Variants in FSTL5 observed in about 807,000 individuals in gnomAD.
FSTL5 encodes the protein follistatin like 5, also known as follistatin-related protein 5.
A neutral mutation model predicts 89.1 loss-of-function variants in FSTL5; 62 were observed. The ratio of observed to expected loss-of-function variants is 0.70; its 90% CI spans 0.57 to 0.86. The LOEUF (loss-of-function observed/expected upper bound fraction) is 0.86, where lower values mean the gene tolerates loss of function less well. Ranked by LOEUF, FSTL5 falls within the 40% of genes least tolerant of loss-of-function variation. The probability of loss-of-function intolerance (pLI) is 0.00; values close to 1 mark genes in which losing one functional copy is unlikely to be tolerated. For missense variants in FSTL5, 1,057 were observed against 1,001.6 expected, an observed-to-expected ratio of 1.06 and a Z score of -0.75; for synonymous variants, 383 against 346.2, an observed-to-expected ratio of 1.11 and a Z score of -1.18.
chr4:161,728,203 T>C (rs550094407), intron 6 of FSTL5, among the ~76,000 whole-genome samples: 17 of 152,282 alleles, frequency 1.1e-4, no homozygotes, highest in South Asian at 4.1e-4. Context: ...ATAAAATATC[T>C]CTGGGTTAGC....
chr4:161,968,893 G>T (rs1215026889), intron 3 of FSTL5, among the ~76,000 whole-genome samples: 3 of 150,724 alleles, frequency 2.0e-5, no homozygotes, highest in Non-Finnish European at 4.4e-5. Context: ...AAGAAGCAAA[G>T]ATGATTATTA....
chr4:161,539,365 A>G (rs1731741965), intron 9 of FSTL5, among the ~76,000 whole-genome samples: 4 of 152,116 alleles, frequency 2.6e-5, no homozygotes, highest in African/African-American at 4.8e-5. Context: ...CTTGATTGCC[A>G]TCGCTAGGAG....
At chr4:161,434,897 G>A (rs1265703682) in intron 15 of FSTL5, among the ~76,000 whole-genome samples, 3 of 151,948 alleles carry the variant, frequency 2.0e-5, no homozygotes, top group East Asian at 3.9e-4. Context: ...AGTTAAAATG[G>A]CTTTTATTCA....
chr4:161,735,031 G>GC (rs1350263439), intron 6 of FSTL5, among the ~76,000 whole-genome samples: 2 of 152,074 alleles, frequency 1.3e-5, no homozygotes, highest in African/African-American at 4.8e-5. Context: ...CCCAAGACTG[G>GC]CCCCCCACTT....
At chr4:161,437,292 C>A (rs538570089) in intron 15 of FSTL5, among the ~76,000 whole-genome samples, 11 of 151,930 alleles carry the variant, frequency 7.2e-5, no homozygotes, top group African/African-American at 1.7e-4. Flanking sequence ...ACGGGCAGGG[C>A]GCAGTGGCTC....
intron 6 of FSTL5, among the ~76,000 whole-genome samples, chr4:161,663,274 C>T (rs1254405432): frequency 2.6e-5 from 4 of 152,148 alleles, no homozygotes; most frequent in Non-Finnish European, 5.9e-5. Context: ...ACCCAAAAGT[C>T]CACAGTCCAA....
chr4:161,553,399 T>C (rs1732279784), intron 8 of FSTL5, among the ~76,000 whole-genome samples: 1 of 151,396 alleles, frequency 6.6e-6, no homozygotes, highest in African/African-American at 2.4e-5. Flanking sequence ...TAAATATATA[T>C]ATTTTATTCA....
At chr4:161,606,473 G>A (rs1001432332) in intron 7 of FSTL5, among the ~76,000 whole-genome samples, 1 of 151,514 alleles carries the variant, frequency 6.6e-6, no homozygotes, top group South Asian at 2.1e-4. Flanking sequence ...CTCGTGATCC[G>A]CCCGCCTCAG....
chr4:161,455,272 A>G (rs1733314218), intron 14 of FSTL5, 144 bp from the exon 15 acceptor site: 1 of 503,442 alleles, frequency 2.0e-6, no homozygotes, highest in Non-Finnish European at 3.2e-6. Flanking sequence ...ATATTATTAC[A>G]CAAATTACAA....
intron 2 of FSTL5, among the ~76,000 whole-genome samples, chr4:162,082,775 T>A (rs1443829118): frequency 6.6e-6 from 1 of 151,500 alleles, no homozygotes; most frequent in Non-Finnish European, 1.5e-5. Flanking sequence ...ATATTAAATT[T>A]AACCCACAGA....
At chr4:161,599,768 C>T (rs1734159098) in intron 7 of FSTL5, among the ~76,000 whole-genome samples, 1 of 151,942 alleles carries the variant, frequency 6.6e-6, no homozygotes, top group African/African-American at 2.4e-5. Flanking sequence ...TTAAGATTTG[C>T]TATAATTTCT....
intron 2 of FSTL5, among the ~76,000 whole-genome samples, chr4:162,056,485 T>TA (rs1560995194): frequency 6.6e-6 from 1 of 151,284 alleles, no homozygotes; most frequent in African/African-American, 2.5e-5. Flanking sequence ...CCTAGCAGCA[T>TA]TGTATGAACA....
chr4:162,021,413 T>C (rs547206628), intron 3 of FSTL5, among the ~76,000 whole-genome samples: 1 of 152,290 alleles, frequency 6.6e-6, no homozygotes, highest in South Asian at 2.1e-4. Context: ...TTGCCTTATA[T>C]GTAAAATTAT....
chr4:162,132,194 C>T (rs531627844), intron 1 of FSTL5, among the ~76,000 whole-genome samples: 105 of 152,268 alleles, frequency 6.9e-4, no homozygotes, highest in African/African-American at 2.4e-3. Context: ...TAGGTGTTCT[C>T]TACTTAAACA....
chr4:161,394,486 A>T (rs1422280047), intron 15 of FSTL5, among the ~76,000 whole-genome samples: 1 of 152,146 alleles, frequency 6.6e-6, no homozygotes, highest in Non-Finnish European at 1.5e-5. Flanking sequence ...CATGTTAGCC[A>T]GGATGGTCTA....
chr4:162,129,588 A>C (rs949310614), intron 1 of FSTL5, among the ~76,000 whole-genome samples: 1 of 152,242 alleles, frequency 6.6e-6, no homozygotes, highest in Non-Finnish European at 1.5e-5. Flanking sequence ...CTTGCTGTGT[A>C]ATGGTGAAAC....
chr4:161,553,401 T>C (rs1560950600), intron 8 of FSTL5, among the ~76,000 whole-genome samples: 1 of 151,370 alleles, frequency 6.6e-6, no homozygotes, highest in Non-Finnish European at 1.5e-5. Context: ...AATATATATA[T>C]TTTATTCAAA....
chr4:161,993,139 A>T (rs1458582605), intron 3 of FSTL5, among the ~76,000 whole-genome samples: 1 of 151,042 alleles, frequency 6.6e-6, no homozygotes, highest in African/African-American at 2.4e-5. Flanking sequence ...AAATATATTT[A>T]TTTGTCAATA....
In FSTL5 at chr4:161,679,563, A is replaced by G. The variant is rs190775104; in HGVS notation, c.728-23069T>C. Among the ~76,000 whole-genome samples, 904 of 151,930 alleles carry G rather than the reference A, an allele frequency of 6.0e-3. 9 individuals are homozygous for G. Among genetic ancestry groups the G allele is most frequent in the South Asian group, 0.045 (219 of 4,822 alleles). On this transcript the variant is annotated intron_variant, in intron 6 of 15. Coordinates refer to ENST00000306100, the MANE Select transcript of FSTL5 (RefSeq NM_020116.5). ...TTGGCTCTTGTATTGGAAAAGGGGG[A>G]AAAATACAGTAGAATACAAGTATAG...
Sources: gnomAD v4.1 joint callset for allele counts (sites outside exome capture counted in the v4.1 genomes callset) on GRCh38, gnomAD v4.1.1 for gene constraint, MANE v1.5 for transcripts, NCBI Gene and HGNC (gene_info 2026-07-23, HGNC 2026-07-21) for gene names.